MAD1L1: variants seen among roughly 807,000 people sequenced by gnomAD.
MAD1L1 encodes the protein mitotic arrest deficient 1 like 1.
In MAD1L1, 95 loss-of-function variants were observed where a neutral mutation model predicts 96.9. That is an observed-to-expected ratio of 0.98 (90% CI 0.83 to 1.16). MAD1L1 has a LOEUF of 1.16. Ranked by LOEUF, MAD1L1 falls within the 50% of genes most tolerant of loss-of-function variation. The pLI, the probability that MAD1L1 is intolerant of heterozygous loss-of-function variation, is 0.00. For missense variants in MAD1L1, 1,007 were observed against 954.4 expected (o/e 1.06, Z -0.73); for synonymous variants, 473 against 396.6 (o/e 1.19, Z -2.29).
intron 11 of MAD1L1, among the ~76,000 whole-genome samples, chr7:2,086,034 A>AC (rs1387633248): frequency 6.6e-6 from 1 of 151,652 alleles, no homozygotes; most frequent in East Asian, 1.9e-4. Context: ...AGCTCCACCT[A>AC]CCCCCAGGAA....
At chr7:1,906,753 G>C (rs1787659929) in intron 17 of MAD1L1, among the ~76,000 whole-genome samples, 1 of 152,224 alleles carries the variant, frequency 6.6e-6, no homozygotes, top group African/African-American at 2.4e-5. Context: ...ACGGGTGCGT[G>C]TTGAACACGC....
intron 15 of MAD1L1, among the ~76,000 whole-genome samples, chr7:1,971,539 C>T (rs542111304): frequency 7.8e-4 from 118 of 152,170 alleles, no homozygotes; most frequent in African/African-American, 2.8e-3. Context: ...GTGTGTTTCA[C>T]TTAAAATATA....
At chr7:1,980,384 C>T in intron 15 of MAD1L1, 69 bp downstream of exon 15, 2 of 1,394,118 alleles carry the variant, frequency 1.4e-6, no homozygotes, top group Non-Finnish European at 2.0e-6. Flanking sequence ...GCAGGACACA[C>T]CTGGGCGTAT....
chr7:1,946,963 G>T (rs936536865), intron 16 of MAD1L1, among the ~76,000 whole-genome samples: 1 of 152,228 alleles, frequency 6.6e-6, no homozygotes, highest in Non-Finnish European at 1.5e-5. Context: ...GAGGCTGGGT[G>T]GGGGCTGGCG....
rs1479037167 is a variant in MAD1L1 at position 2,186,699 on chromosome 7, T to C, written c.986+26513A>G. On this transcript the variant is annotated intron_variant, in intron 10 of 18. Transcript: ENST00000265854. Reference sequence around the variant, plus strand: ...TCCAACTTGTGAGCCTCTTCTCGCCTTGAGGGACTAAGCGCTAGGACAACA... The same window carrying C: ...TCCAACTTGTGAGCCTCTTCTCGCCCTGAGGGACTAAGCGCTAGGACAACA... Among the ~76,000 whole-genome samples the C allele has an allele frequency of 2.0e-5, 3 of 152,338 alleles. No homozygotes were observed. In the East Asian group the frequency reaches 5.8e-4, roughly 29 times the overall value.
chr7:2,192,197 C>A (rs1295544437), intron 10 of MAD1L1, among the ~76,000 whole-genome samples: 1 of 151,088 alleles, frequency 6.6e-6, no homozygotes, highest in Non-Finnish European at 1.5e-5. Flanking sequence ...ATGGCATGAT[C>A]TCGGCTCACT....
intron 12 of MAD1L1, among the ~76,000 whole-genome samples, chr7:2,031,541 A>G (rs7811837): frequency 0.069 from 10,539 of 152,316 alleles, 1,176 homozygotes; most frequent in African/African-American, 0.23. Flanking sequence ...CGCTGTATAA[A>G]TGCATTCCCC....
chr7:2,228,008 C>T (rs953895734), intron 3 of MAD1L1, among the ~76,000 whole-genome samples: 9 of 149,936 alleles, frequency 6.0e-5, no homozygotes, highest in Admixed American at 2.0e-4. Context: ...CTCCCTGCCA[C>T]GCCGGGGGCT....
intron 11 of MAD1L1, among the ~76,000 whole-genome samples, chr7:2,084,684 C>G (rs1785820806): frequency 6.6e-6 from 1 of 152,220 alleles, no homozygotes. Context: ...GGAGAACCTC[C>G]CTCAGAACTT....
Position 1,968,628 on chromosome 7 carries a change from C to G in MAD1L1, c.1506-10909G>C, listed in dbSNP as rs550345199. Among the ~76,000 whole-genome samples the G allele has an allele frequency of 1.2e-4, 19 of 152,348 alleles. No homozygotes were observed. The South Asian group carries it at 2.1e-3, about 17-fold the overall frequency. On this transcript the variant is annotated intron_variant, in intron 15 of 18. Coordinates refer to ENST00000265854, the MANE Select transcript of MAD1L1 (RefSeq NM_001013836.2). The surrounding 1 kb of genome is among the most constrained non-coding windows in gnomAD (Gnocchi z 5.6). The stretch of plus-strand genomic sequence containing the variant: ...TCAGGTCCGCTGTCAACGCCTCAGT[C>G]CAGCGGTCAGGTCCACCTGCTGTTG...
At chr7:2,001,910 C>T (rs1023538295) in intron 14 of MAD1L1, among the ~76,000 whole-genome samples, 155 bp downstream of exon 14, 17 of 152,238 alleles carry the variant, frequency 1.1e-4, no homozygotes, top group Admixed American at 6.5e-5. Flanking sequence ...ACTCAGGCTC[C>T]TCACACACCC....
At chr7:2,070,034 A>G (rs1785051875) in intron 11 of MAD1L1, among the ~76,000 whole-genome samples, 2 of 152,210 alleles carry the variant, frequency 1.3e-5, no homozygotes, top group Admixed American at 1.3e-4. Flanking sequence ...CTGGGCACCA[A>G]GCTGTCTCCT....
rs879790938 is a variant in MAD1L1 at position 2,142,583 on chromosome 7, C to T, written c.1073+6569G>A. Among the ~76,000 whole-genome samples, 2 of 152,214 alleles carry T rather than the reference C, an allele frequency of 1.3e-5. No homozygotes were observed. The highest frequency in any genetic ancestry group is 1.9e-4 in the East Asian group (1 of 5,196). On this transcript the variant is annotated intron_variant, in intron 11 of 18. Coordinates refer to ENST00000265854, the MANE Select transcript of MAD1L1 (RefSeq NM_001013836.2). This position sits in a 1 kb window ranked among gnomAD's most constrained non-coding sequence, Gnocchi z 4.7. ...ACGGTGCCACCCAGAGCTCCTGGCG[C>T]GTGCCCTGCCACAGCCCTGGACCAG... is the stretch of plus-strand genomic sequence containing the variant.
At chr7:1,863,623 A>G (rs1406286863) in intron 18 of MAD1L1, among the ~76,000 whole-genome samples, 1 of 152,172 alleles carries the variant, frequency 6.6e-6, no homozygotes, top group Non-Finnish European at 1.5e-5. Flanking sequence ...TCACCTGCCC[A>G]CACCCCACGC....
intron 10 of MAD1L1, among the ~76,000 whole-genome samples, chr7:2,182,698 G>A (rs1402390044): frequency 3.3e-5 from 5 of 152,164 alleles, no homozygotes; most frequent in African/African-American, 9.7e-5. Flanking sequence ...AGAGGAAAGC[G>A]CCAGCACAGA....
chr7:2,025,590 C>T (rs1443857848), intron 12 of MAD1L1, among the ~76,000 whole-genome samples: 1 of 152,134 alleles, frequency 6.6e-6, no homozygotes, highest in African/African-American at 2.4e-5. Flanking sequence ...CAGATGGATG[C>T]TCAGAGATAC....
chr7:2,178,456 C>T (rs1791043094), intron 10 of MAD1L1, among the ~76,000 whole-genome samples: 1 of 152,224 alleles, frequency 6.6e-6, no homozygotes. Flanking sequence ...ACAAAACTCT[C>T]CCATCTTCCA....
chr7:1,972,592 C>T (rs1316608174), intron 15 of MAD1L1, among the ~76,000 whole-genome samples: 1 of 58,826 alleles, frequency 1.7e-5, no homozygotes. Flanking sequence ...AGAGATTTGT[C>T]AATTTTATTG....
chr7:1,905,384 GATGCAGTGGCCT>G (rs1787562158), intron 17 of MAD1L1, among the ~76,000 whole-genome samples: 16 of 124,670 alleles, frequency 1.3e-4, no homozygotes, highest in African/African-American at 4.3e-4. Context: ...AGGCAGCGAG[GATGCAGTGGCCT>G]ACGGAAGACG....
Sources: allele counts gnomAD v4.1 joint callset (sites outside exome capture counted in the v4.1 genomes callset), GRCh38; gene constraint gnomAD v4.1.1; non-coding constraint Gnocchi (gnomAD v3.1); transcripts MANE v1.5; gene names NCBI Gene and HGNC (gene_info 2026-07-23, HGNC 2026-07-21).